Variants in KIF6 observed in about 807,000 individuals in gnomAD.
KIF6 encodes the protein kinesin family member 6.
KIF6 carries 106 observed loss-of-function variants against 112.7 expected under a neutral mutation model. The observed-to-expected ratio is 0.94, with a 90% confidence interval of 0.80 to 1.11. The LOEUF is 1.11. Ranked by LOEUF, KIF6 falls within the 50% of genes least tolerant of loss-of-function variation. The pLI, the probability that KIF6 is intolerant of heterozygous loss-of-function variation, is 0.00. For missense variants in KIF6, 929 were observed against 964.0 expected (o/e 0.96, Z 0.48); for synonymous variants, 339 against 339.9 (o/e 1.00, Z 0.03).
chr6:39,542,304 G>T (rs1202376672), intron 12 of KIF6, among the ~76,000 whole-genome samples: 2 of 152,052 alleles, frequency 1.3e-5, no homozygotes, highest in Non-Finnish European at 2.9e-5. Flanking sequence ...TATGGGAATG[G>T]CCTTTGTGCT....
intron 3 of KIF6, among the ~76,000 whole-genome samples, chr6:39,708,345 A>C (rs1210931803): frequency 6.6e-6 from 1 of 152,228 alleles, no homozygotes; most frequent in African/African-American, 2.4e-5. Flanking sequence ...GTGAAGGAAA[A>C]GAGAAATCTT....
chr6:39,642,435 C>G (rs1191323537), intron 3 of KIF6, among the ~76,000 whole-genome samples: 1 of 152,070 alleles, frequency 6.6e-6, no homozygotes. Context: ...AATCCAGCAG[C>G]CTAGCAACCA....
At chr6:39,396,471 C>T (rs1221702043) in intron 15 of KIF6, among the ~76,000 whole-genome samples, 1 of 152,122 alleles carries the variant, frequency 6.6e-6, no homozygotes, top group Non-Finnish European at 1.5e-5. Context: ...AGAAAGGTGG[C>T]TAGCCTTCAG....
At chr6:39,625,307 C>A (rs1252226740) in intron 5 of KIF6, among the ~76,000 whole-genome samples, 1 of 152,132 alleles carries the variant, frequency 6.6e-6, no homozygotes, top group Non-Finnish European at 1.5e-5. Context: ...GTAGAGGAAG[C>A]CAGCTTTCTC....
chr6:39,473,181 C>G (rs1056814707), intron 13 of KIF6, among the ~76,000 whole-genome samples: 1 of 150,630 alleles, frequency 6.6e-6, no homozygotes, highest in African/African-American at 2.4e-5. Flanking sequence ...CCACAGCACC[C>G]GGTCAAAAAA....
At chr6:39,568,469 G>A (rs1373383244) in intron 10 of KIF6, among the ~76,000 whole-genome samples, 1 of 152,086 alleles carries the variant, frequency 6.6e-6, no homozygotes, top group Non-Finnish European at 1.5e-5. Context: ...AGTGAGGTGT[G>A]GTTAATATCA....
At chr6:39,554,903 G>T (rs1779602932) in intron 10 of KIF6, 1 of 205,010 alleles carries the variant, frequency 4.9e-6, no homozygotes, top group Non-Finnish European at 1.0e-5. Flanking sequence ...GAGAGTAAGG[G>T]TGTCTGTGAC....
At chr6:39,617,583 G>T (rs1783586520) in intron 5 of KIF6, 3 of 371,652 alleles carry the variant, frequency 8.1e-6, no homozygotes, top group Non-Finnish European at 1.7e-5. Context: ...GTCTGAGGGG[G>T]TGCTATTCAC....
intron 13 of KIF6, among the ~76,000 whole-genome samples, chr6:39,490,480 T>C (rs1775413667): frequency 6.6e-6 from 1 of 152,224 alleles, no homozygotes; most frequent in African/African-American, 2.4e-5. Context: ...ATGAGGTGTG[T>C]ATCTTTGTGA....
chr6:39,477,645 A>G (rs1774515747), intron 13 of KIF6, among the ~76,000 whole-genome samples: 1 of 152,162 alleles, frequency 6.6e-6, no homozygotes, highest in Non-Finnish European at 1.5e-5. Context: ...GGTGGATCAC[A>G]AGGTCAAGAG....
chr6:39,632,717 C>T (rs7776175), intron 5 of KIF6, among the ~76,000 whole-genome samples: 10,557 of 152,024 alleles, frequency 0.069, 1,157 homozygotes, highest in African/African-American at 0.23. Flanking sequence ...CTCTGCCTCC[C>T]GGGTTCAAGC....
chr6:39,600,644 C>T (rs1050044277), intron 6 of KIF6, among the ~76,000 whole-genome samples: 1 of 152,116 alleles, frequency 6.6e-6, no homozygotes, highest in Non-Finnish European at 1.5e-5. Flanking sequence ...CCTTCTCTAT[C>T]GCTTTTTCCT....
At chr6:39,677,024 A>T (rs527990808) in intron 3 of KIF6, among the ~76,000 whole-genome samples, 2 of 152,120 alleles carry the variant, frequency 1.3e-5, no homozygotes, top group South Asian at 2.1e-4. Flanking sequence ...AAAAATATAT[A>T]TTTTTATATA....
chr6:39,456,635 G>GC (rs978045514), intron 13 of KIF6, among the ~76,000 whole-genome samples: 23 of 120,906 alleles, frequency 1.9e-4, no homozygotes, highest in African/African-American at 8.6e-4. Context: ...CATCTCACGT[G>GC]CAGAGACACA....
At chr6:39,410,964 T>C (rs1275400867) in intron 15 of KIF6, among the ~76,000 whole-genome samples, 1 of 152,218 alleles carries the variant, frequency 6.6e-6, no homozygotes, top group Non-Finnish European at 1.5e-5. Context: ...AGAGGTGGGT[T>C]CCTGACCCCA....
chr6:39,669,225 G>A (rs568498324), intron 3 of KIF6, among the ~76,000 whole-genome samples: 1 of 152,038 alleles, frequency 6.6e-6, no homozygotes, highest in South Asian at 2.1e-4. Flanking sequence ...CTTTACAAAG[G>A]GTCCATTATG....
chr6:39,567,176 G>T (rs945266667), intron 10 of KIF6, among the ~76,000 whole-genome samples: 1 of 152,274 alleles, frequency 6.6e-6, no homozygotes. Context: ...ATAGTAACAG[G>T]TAACACTGAT....
chr6:39,700,446 A>G (rs951453370), intron 3 of KIF6, among the ~76,000 whole-genome samples: 2 of 152,248 alleles, frequency 1.3e-5, no homozygotes, highest in Non-Finnish European at 2.9e-5. Context: ...TTAACCCTAC[A>G]TGCAAGTCAG....
intron 13 of KIF6, among the ~76,000 whole-genome samples, chr6:39,480,423 T>C (rs1177254963): frequency 1.3e-5 from 2 of 152,206 alleles, no homozygotes; most frequent in South Asian, 2.1e-4. Flanking sequence ...TGGTGGATTA[T>C]CTTTTTGATA....
Sources: gnomAD v4.1 joint callset for allele counts (sites outside exome capture counted in the v4.1 genomes callset) on GRCh38, gnomAD v4.1.1 for gene constraint, MANE v1.5 for transcripts, NCBI Gene and HGNC (gene_info 2026-07-23, HGNC 2026-07-21) for gene names.